Variants in GFRA1 observed in about 807,000 individuals in gnomAD.
GFRA1 encodes GDNF family receptor alpha-1.
Under a neutral mutation model 51.6 loss-of-function variants are expected in GFRA1, and 16 were observed. The observed-to-expected ratio is 0.31, with a 90% CI of 0.21 to 0.47. The LOEUF (loss-of-function observed/expected upper bound fraction) is 0.47, where lower values mean the gene tolerates loss of function less well. Among genes scored for constraint, GFRA1 ranks in the 20% least tolerant of loss-of-function variants. The pLI is 1.00. For synonymous variants in GFRA1, 270 were observed against 241.3 expected (o/e 1.12, Z -1.10); for missense variants, 530 against 594.3 (o/e 0.89, Z 1.13).
At chr10:116,152,618 GC>G (rs1456046096) in intron 5 of GFRA1, among the ~76,000 whole-genome samples, 1 of 152,156 alleles carries the variant, frequency 6.6e-6, no homozygotes, top group Non-Finnish European at 1.5e-5. Flanking sequence ...CTCCCACCAG[GC>G]CCCACCTCCA....
intron 4 of GFRA1, among the ~76,000 whole-genome samples, chr10:116,246,678 A>G (rs1304204557): frequency 6.6e-6 from 1 of 152,240 alleles, no homozygotes; most frequent in Non-Finnish European, 1.5e-5. Flanking sequence ...GGTTATTAAA[A>G]TAGTAAATTA....
chr10:116,163,357 T>C (rs1408660283), intron 5 of GFRA1, among the ~76,000 whole-genome samples: 1 of 152,176 alleles, frequency 6.6e-6, no homozygotes, highest in African/African-American at 2.4e-5. Context: ...AGCCAAAGCA[T>C]AGCTCGACAT....
At chr10:116,182,313 T>A (rs185824072) in intron 5 of GFRA1, among the ~76,000 whole-genome samples, 1 of 152,346 alleles carries the variant, frequency 6.6e-6, no homozygotes, top group Admixed American at 6.5e-5. Context: ...GGAACTATAT[T>A]TTGTCCAGAA....
At chr10:116,174,116 C>T (rs1377708122) in intron 5 of GFRA1, among the ~76,000 whole-genome samples, 1 of 145,812 alleles carries the variant, frequency 6.9e-6, no homozygotes, top group African/African-American at 2.6e-5. Flanking sequence ...GTCTGCCAAC[C>T]CTGGTCTTTT....
intron 9 of GFRA1, among the ~76,000 whole-genome samples, chr10:116,072,187 A>T (rs1955430574): frequency 6.6e-6 from 1 of 151,972 alleles, no homozygotes; most frequent in African/African-American, 2.4e-5. Context: ...TTAGCAAATG[A>T]TGTAAGCAAA....
intron 8 of GFRA1, among the ~76,000 whole-genome samples, chr10:116,092,970 CCATTGTT>C (rs1368795988): frequency 1.3e-5 from 2 of 152,026 alleles, no homozygotes; most frequent in African/African-American, 4.8e-5. Flanking sequence ...TGATGAATGC[CCATTGTT>C]CACATCCGTC....
At position 116,058,251 on chromosome 10, in the gene GFRA1, T is replaced by C. The variant is rs1204473917; in HGVS notation, c.*6147A>G. On this transcript the variant is annotated 3_prime_UTR_variant, in exon 11 of 11. Coordinates refer to ENST00000355422, the MANE Select transcript of GFRA1 (RefSeq NM_005264.8). ...TACTTCACTCTAGTCTTAGGATCTGTGTTATGCTTGCAGGTGTCAGGGGTC... is the reference window on the plus strand; with the variant it reads ...TACTTCACTCTAGTCTTAGGATCTGCGTTATGCTTGCAGGTGTCAGGGGTC... 6.6e-6 allele frequency: 1 copy of C among 152,230 alleles called. No homozygotes were observed. The highest frequency in any genetic ancestry group is 1.5e-5 in the Non-Finnish European group (1 of 68,082). The allele number at this position is 152,230 out of a possible 1,614,324, so 9.4% of individuals were successfully genotyped here. A position where few individuals can be genotyped will look rare whatever the true frequency, so the allele number is the denominator to read the frequency against.
chr10:116,271,187 C>T lies in GFRA1; in HGVS notation c.41-72G>A, dbSNP rs573597834. The T allele has an allele frequency of 2.7e-5, 38 of 1,383,568 alleles. No individual in the cohort carries two copies. The East Asian group carries it at 6.4e-4, about 23-fold the overall frequency. 85.7% of individuals were successfully genotyped at this position (1,383,568 alleles called of 1,614,324 possible). A position where few individuals can be genotyped will look rare whatever the true frequency, so the allele number is the denominator to read the frequency against. Reference sequence around the variant, plus strand: ...CGGCCGCCCCTGCTCCGGGCGAGGGCGCGCGCCCGGGTCAGGGATGCTTGA... The same window carrying T: ...CGGCCGCCCCTGCTCCGGGCGAGGGTGCGCGCCCGGGTCAGGGATGCTTGA... On this transcript the variant is annotated intron_variant, in intron 2 of 10. Coordinates refer to ENST00000355422, the MANE Select transcript of GFRA1 (RefSeq NM_005264.8).
chr10:116,120,879 G>T (rs1400316911), intron 6 of GFRA1, among the ~76,000 whole-genome samples: 1 of 152,210 alleles, frequency 6.6e-6, no homozygotes, highest in Admixed American at 6.5e-5. Flanking sequence ...CACACCCTGA[G>T]TTTTTTCTCA....
chr10:116,123,023 T>C (rs1469818851), intron 6 of GFRA1, among the ~76,000 whole-genome samples: 2 of 152,252 alleles, frequency 1.3e-5, no homozygotes, highest in African/African-American at 4.8e-5. Context: ...GGGCCAGGAA[T>C]TGGAGTTTCA....
At position 116,089,914 on chromosome 10, in the gene GFRA1, T is replaced by C. The variant is rs567240690; in HGVS notation, c.1024A>G (p.Ile342Val). 185 of 1,612,742 alleles carry C rather than the reference T, an allele frequency of 1.1e-4. 1 individual carries two copies. The South Asian group carries it at 1.9e-3, about 17-fold the overall frequency. ...TCGGAGCCATTGCCAAAGGCTTGAATTGCATTTTCTGCAGTAAAACAGGAG... is the reference window on the plus strand; with the variant it reads ...TCGGAGCCATTGCCAAAGGCTTGAACTGCATTTTCTGCAGTAAAACAGGAG... The part of the protein sequence containing the change: ...FKDNTCLKNA[I>V]QAFGNGSDVT... The change falls in exon 9 of 11, where the codon ATT becomes GTT. Residue 342 changes from isoleucine (I) to valine (V), a missense_variant. Transcript: ENST00000355422.
At chr10:116,262,731 G>T (rs1011621595) in intron 4 of GFRA1, among the ~76,000 whole-genome samples, 3 of 152,196 alleles carry the variant, frequency 2.0e-5, no homozygotes, top group Non-Finnish European at 4.4e-5. Context: ...AAAACCAAAA[G>T]TAGTGGTCTG....
At chr10:116,126,096 C>A (rs962896486) in intron 5 of GFRA1, among the ~76,000 whole-genome samples, 1 of 152,156 alleles carries the variant, frequency 6.6e-6, no homozygotes, top group Non-Finnish European at 1.5e-5. Flanking sequence ...CAGGAAGAAG[C>A]CACCACAACG....
chr10:116,109,461 AT>A (rs1409998082), intron 6 of GFRA1, among the ~76,000 whole-genome samples: 5 of 152,204 alleles, frequency 3.3e-5, no homozygotes, highest in African/African-American at 1.2e-4. Context: ...CATAAAAAAA[AT>A]AATATCTGTT....
chr10:116,196,959 TC>T (rs1446192346), intron 5 of GFRA1, among the ~76,000 whole-genome samples: 7 of 151,060 alleles, frequency 4.6e-5, no homozygotes, highest in Admixed American at 3.3e-4. Context: ...CTTTGCTTCT[TC>T]CTGCTTCTGC....
At chr10:116,178,191 G>T (rs1306543477) in intron 5 of GFRA1, among the ~76,000 whole-genome samples, 2 of 150,570 alleles carry the variant, frequency 1.3e-5, no homozygotes, top group Non-Finnish European at 3.0e-5. Flanking sequence ...AAACTGGGAG[G>T]TTTTCAAATA....
Position 116,061,923 on chromosome 10 carries a change from G to C in GFRA1, c.*2475C>G, listed in dbSNP as rs1311464168. ...TTGATAAGAATCTCTCTAACGTGTTGTCCCTGAACAAGATGCTTCCCCCTA... is the reference window on the plus strand; with the variant it reads ...TTGATAAGAATCTCTCTAACGTGTTCTCCCTGAACAAGATGCTTCCCCCTA... On this transcript the variant is annotated 3_prime_UTR_variant, in exon 11 of 11. Coordinates refer to ENST00000355422, the MANE Select transcript of GFRA1 (RefSeq NM_005264.8). 2.5e-6 allele frequency: 1 copy of C among 398,294 alleles called. No individual in the cohort carries two copies. The highest frequency in any genetic ancestry group is 4.4e-6 in the Non-Finnish European group (1 of 225,984). 24.7% of individuals were successfully genotyped at this position (398,294 alleles called of 1,614,324 possible).
chr10:116,191,951 C>T (rs532579632), intron 5 of GFRA1, among the ~76,000 whole-genome samples: 4 of 152,202 alleles, frequency 2.6e-5, no homozygotes, highest in South Asian at 2.1e-4. Context: ...AGCTTGAACC[C>T]GGGAGGCAGA....
At chr10:116,147,506 G>A (rs1005967352) in intron 5 of GFRA1, among the ~76,000 whole-genome samples, 1 of 151,890 alleles carries the variant, frequency 6.6e-6, no homozygotes, top group African/African-American at 2.4e-5. Flanking sequence ...CCCACAGAAA[G>A]GGCTACCTGT....
Sources: allele counts gnomAD v4.1 joint callset (sites outside exome capture counted in the v4.1 genomes callset), GRCh38; gene constraint gnomAD v4.1.1; transcripts MANE v1.5; gene names NCBI Gene and HGNC (gene_info 2026-07-23, HGNC 2026-07-21).